NAP1L1: variants seen among roughly 807,000 people sequenced by gnomAD.
The protein encoded by NAP1L1 is nucleosome assembly protein 1 like 1.
NAP1L1 carries 9 observed loss-of-function variants against 58.9 expected under a neutral mutation model. The observed-to-expected ratio is 0.15, with a 90% CI of 0.09 to 0.27. The LOEUF is 0.27. Among genes scored for constraint, NAP1L1 ranks in the 10% least tolerant of loss-of-function variants. The probability of loss-of-function intolerance (pLI) is 1.00; values close to 1 mark genes in which losing one functional copy is unlikely to be tolerated. For missense variants in NAP1L1, 302 were observed against 458.8 expected (o/e 0.66, Z 3.12); for synonymous variants, 130 against 138.3 (o/e 0.94, Z 0.42).
rs1417451139 is a variant in NAP1L1 at position 76,038,328 on chromosome 12, T to A, written c.*10101A>T. Reference sequence around the variant, plus strand: ...TGCAACTCAAATATGTAACTGACAGTCACTTGGGCAAATACCTCCATTTAA... The same window carrying A: ...TGCAACTCAAATATGTAACTGACAGACACTTGGGCAAATACCTCCATTTAA... On this transcript the variant is annotated 3_prime_UTR_variant, in exon 15 of 15. Transcript: ENST00000618691. 6.6e-6 allele frequency: 1 copy of A among 152,166 alleles called. No homozygotes were observed. Among genetic ancestry groups the A allele is most frequent in the Non-Finnish European group, 1.5e-5 (1 of 68,024 alleles). 9.4% of individuals were successfully genotyped at this position (152,166 alleles called of 1,614,324 possible). A position where few individuals can be genotyped will look rare whatever the true frequency, so the allele number is the denominator to read the frequency against.
chr12:76,057,708 A>G (rs1355389139), intron 6 of NAP1L1: 1 of 1,531,528 alleles, frequency 6.5e-7, no homozygotes, highest in African/African-American at 1.4e-5. Flanking sequence ...GACAATGATT[A>G]GAGAAGAATT....
At chr12:76,082,062 T>C (rs949416945) in intron 1 of NAP1L1, among the ~76,000 whole-genome samples, 3 of 152,188 alleles carry the variant, frequency 2.0e-5, no homozygotes, top group Non-Finnish European at 4.4e-5. Context: ...AATTACAGGT[T>C]TGATTAAACT....
At chr12:76,076,135 G>C (rs1950160452) in intron 1 of NAP1L1, among the ~76,000 whole-genome samples, 2 of 152,102 alleles carry the variant, frequency 1.3e-5, no homozygotes. Context: ...CCACAGCTCT[G>C]AACAAGTCCT....
chr12:76,072,360 C>T (rs1424395270), intron 2 of NAP1L1, among the ~76,000 whole-genome samples: 3 of 140,590 alleles, frequency 2.1e-5, no homozygotes, highest in Non-Finnish European at 4.6e-5. Flanking sequence ...ACTAAAACAA[C>T]AGAAATTTTA....
chr12:76,084,153 G>T (rs960066906), intron 1 of NAP1L1: 4 of 152,152 alleles, frequency 2.6e-5, no homozygotes, highest in African/African-American at 4.8e-5. Context: ...AAAAGCAGGG[G>T]GGTGTCCAAG....
At chr12:76,072,451 T>A (rs1950000017) in intron 2 of NAP1L1, among the ~76,000 whole-genome samples, 3 of 151,754 alleles carry the variant, frequency 2.0e-5, no homozygotes, top group Non-Finnish European at 4.4e-5. Context: ...GGACAAAAGG[T>A]CATGAGAGCA....
chr12:76,049,654 C>T, intron 13 of NAP1L1, 102 bp downstream of exon 13: 4 of 1,549,818 alleles, frequency 2.6e-6, no homozygotes, highest in Non-Finnish European at 3.5e-6. Flanking sequence ...TGTTTTTATC[C>T]CAAATCACAG....
rs1227546593 is a variant in NAP1L1, at chr12:76,059,953, A to T, written c.349-75T>A. On this transcript the variant is annotated intron_variant, in intron 5 of 14. Coordinates refer to ENST00000618691, the MANE Select transcript of NAP1L1 (RefSeq NM_004537.7). ...CTAAAACCAGTGGTTTCTCACTAAG[A>T]AGTCTTACAAATTTAACAAATGCAT... is the stretch of plus-strand genomic sequence containing the variant. The T allele has an allele frequency of 2.3e-6, 3 of 1,295,962 alleles. No homozygotes were observed. The African/African-American group carries it at 4.5e-5, about 19-fold the overall frequency. The allele number at this position is 1,295,962 out of a possible 1,614,324, so 80.3% of individuals were successfully genotyped here.
In NAP1L1 at chr12:76,056,120, T is replaced by G. The variant is rs1059143; in HGVS notation, c.471A>C (p.Lys157Asn). Residue 157 changes from lysine to asparagine, a missense_variant, in exon 7 of 15, where the codon AAA (lysine) becomes AAC (asparagine). Coordinates refer to ENST00000618691, the MANE Select transcript of NAP1L1 (RefSeq NM_004537.7). ...CTTTGGGGTCTTCTTTTTCTTCATCTTTTTTCTCATCTTCAATCTTGGCCT... is the reference window on the plus strand; with the variant it reads ...CTTTGGGGTCTTCTTTTTCTTCATCGTTTTTCTCATCTTCAATCTTGGCCT... ...KEKAKIEDEK[K>N]DEEKEDPKGI... The G allele has an allele frequency of 6.2e-7, 1 of 1,611,986 alleles. No individual in the cohort carries two copies. Among genetic ancestry groups the G allele is most frequent in the Non-Finnish European group, 8.5e-7 (1 of 1,178,824 alleles).
At chr12:76,055,305 T>C (rs1394361299) in intron 7 of NAP1L1, among the ~76,000 whole-genome samples, 2 of 152,192 alleles carry the variant, frequency 1.3e-5, no homozygotes, top group Non-Finnish European at 2.9e-5. Context: ...AGTGTCCAAA[T>C]AGACAACTGA....
In NAP1L1 at chr12:76,042,061, TTTTG is replaced by T. The variant is rs945690468; in HGVS notation, c.*6364_*6367del. ...CACTTTAGGTTAAGGTCAATTTTTT[TTTTG>T]TTTTTTACACATAAAATCTTCAAAA... On this transcript the variant is annotated 3_prime_UTR_variant, in exon 15 of 15. Transcript: ENST00000618691. The T allele has an allele frequency of 1.3e-5, 2 of 152,092 alleles. No homozygotes were observed. Among genetic ancestry groups the T allele is most frequent in the African/African-American group, 4.8e-5 (2 of 41,378 alleles). The allele number at this position is 152,092 out of a possible 1,614,324, so 9.4% of individuals were successfully genotyped here. A position where few individuals can be genotyped will look rare whatever the true frequency, so the allele number is the denominator to read the frequency against.
At position 76,044,971 on chromosome 12, in the gene NAP1L1, T is replaced by C. The variant is rs1291079408; in HGVS notation, c.*3458A>G. 6.6e-6 allele frequency: 1 copy of C among 152,176 alleles called. No individual in the cohort carries two copies. 9.4% of individuals were successfully genotyped at this position (152,176 alleles called of 1,614,324 possible). The stretch of plus-strand genomic sequence containing the variant: ...AATCACCAGTATACATCTATTAAGT[T>C]AACTGCAGTATTATTTCACCATCAC... On this transcript the variant is annotated 3_prime_UTR_variant, in exon 15 of 15. Coordinates refer to ENST00000618691, the MANE Select transcript of NAP1L1 (RefSeq NM_004537.7).
At chr12:76,080,148 C>A (rs1408700041) in intron 1 of NAP1L1, among the ~76,000 whole-genome samples, 2 of 152,232 alleles carry the variant, frequency 1.3e-5, no homozygotes, top group African/African-American at 4.8e-5. Flanking sequence ...CACAGGACTG[C>A]ATATACAACA....
chr12:76,068,748 A>ACACACG, intron 3 of NAP1L1, 161 bp downstream of exon 3: 1 of 538,280 alleles, frequency 1.9e-6, no homozygotes, highest in Non-Finnish European at 3.2e-6. Context: ...ACACACACAC[A>ACACACG]CACACACACA....
chr12:76,050,948 G>A (rs1349572507), intron 11 of NAP1L1, among the ~76,000 whole-genome samples: 1 of 148,332 alleles, frequency 6.7e-6, no homozygotes, highest in African/African-American at 2.5e-5. Flanking sequence ...GAGCCCAGCA[G>A]CTTGAGGCTG....
chr12:76,049,479 T>C, intron 13 of NAP1L1: 1 of 1,535,664 alleles, frequency 6.5e-7, no homozygotes, highest in Admixed American at 2.0e-5. Flanking sequence ...CAGCCAACGT[T>C]GGAAAAGTTT....
rs1421051616 is a variant in NAP1L1, at chr12:76,058,270, C to T, written c.429+1528G>A. On this transcript the variant is annotated intron_variant, in intron 6 of 14. Transcript: ENST00000618691. The stretch of plus-strand genomic sequence containing the variant: ...AGACTGCCTTCGTTCTTGGCATTTT[C>T]CCTGTTCTGTACAAGGCTGCTTATT... Among the ~76,000 whole-genome samples the T allele has an allele frequency of 7.3e-5, 11 of 149,740 alleles. No individual in the cohort carries two copies. The East Asian group carries it at 2.1e-3, about 29-fold the overall frequency.
intron 11 of NAP1L1, among the ~76,000 whole-genome samples, chr12:76,052,353 GT>G (rs1948882548): frequency 1.3e-5 from 2 of 152,056 alleles, no homozygotes; most frequent in Non-Finnish European, 2.9e-5. Flanking sequence ...ACTTAAAGTA[GT>G]TTTTCTCACC....
chr12:76,073,396 T>G (rs1360319977), intron 2 of NAP1L1, among the ~76,000 whole-genome samples: 2 of 152,144 alleles, frequency 1.3e-5, no homozygotes, highest in Non-Finnish European at 2.9e-5. Context: ...CTGACCCTGT[T>G]TCTATAAAAC....
Sources: gnomAD v4.1 joint callset for allele counts (sites outside exome capture counted in the v4.1 genomes callset) on GRCh38, gnomAD v4.1.1 for gene constraint, MANE v1.5 for transcripts, NCBI Gene and HGNC (gene_info 2026-07-23, HGNC 2026-07-21) for gene names.